TENM4: variants seen among roughly 807,000 people sequenced by gnomAD.
TENM4 encodes teneurin transmembrane protein 4, also known as teneurin-4.
Under a neutral mutation model 243.3 loss-of-function variants are expected in TENM4, and 82 were observed. The ratio of observed to expected loss-of-function variants is 0.34; its 90% confidence interval spans 0.28 to 0.40. The LOEUF is 0.40. Among genes scored for constraint, TENM4 ranks in the 10% least tolerant of loss-of-function variants. TENM4 has a pLI of 1.00. For synonymous variants in TENM4, 1,412 were observed against 1,456.3 expected (o/e 0.97, Z 0.69); for missense variants, 3,138 against 3,673.3 (o/e 0.85, Z 3.77).
Position 79,350,157 on chromosome 11 carries a change from A to G in TENM4, c.-320-52614T>C, listed in dbSNP as rs76858110. On this transcript the variant is annotated intron_variant, in intron 1 of 33. Transcript: ENST00000278550. ...ACTGTGCCTCCTGTTAGAAATCCCA[A>G]GTCTTCAGAATGGGGCTTCAGAACG... 2.8e-4 allele frequency among the ~76,000 whole-genome samples: 43 copies of G among 152,312 alleles called. No individual in the cohort carries two copies. The East Asian group carries it at 7.7e-3, about 27-fold the overall frequency.
intron 3 of TENM4, among the ~76,000 whole-genome samples, chr11:79,182,038 C>G (rs7928705): frequency 2.0e-5 from 3 of 151,544 alleles, no homozygotes; most frequent in African/African-American, 7.3e-5. Flanking sequence ...TCTATAGACT[C>G]AATGCAATCC....
At chr11:78,764,319 T>C (rs1856496055) in intron 18 of TENM4, among the ~76,000 whole-genome samples, 1 of 152,244 alleles carries the variant, frequency 6.6e-6, no homozygotes, top group African/African-American at 2.4e-5. Flanking sequence ...GGGAATTTGG[T>C]CCATTATCTT....
At chr11:78,827,358 G>A (rs1180745899) in intron 12 of TENM4, among the ~76,000 whole-genome samples, 1 of 151,946 alleles carries the variant, frequency 6.6e-6, no homozygotes, top group Non-Finnish European at 1.5e-5. Flanking sequence ...CTCCCCACCT[G>A]AACCCACACT....
chr11:79,398,994 G>A (rs532685274), intron 1 of TENM4, among the ~76,000 whole-genome samples: 79 of 152,160 alleles, frequency 5.2e-4, no homozygotes, highest in Non-Finnish European at 9.4e-4. Flanking sequence ...GCCTGAGCAG[G>A]ATGGTGTGCA....
intron 3 of TENM4, among the ~76,000 whole-genome samples, chr11:79,192,595 C>A (rs571147330): frequency 0.011 from 1,692 of 152,016 alleles, 34 homozygotes; most frequent in African/African-American, 0.038. Flanking sequence ...GTCATCACCA[C>A]TCCCTAATCT....
At chr11:78,899,880 C>T (rs1054312363) in intron 7 of TENM4, among the ~76,000 whole-genome samples, 19 of 152,312 alleles carry the variant, frequency 1.2e-4, no homozygotes, top group African/African-American at 4.6e-4. Flanking sequence ...GTAAAGTCTG[C>T]AGAACTGTAA....
intron 6 of TENM4, among the ~76,000 whole-genome samples, chr11:78,971,743 T>G (rs1272208341): frequency 2.6e-5 from 4 of 152,106 alleles, no homozygotes; most frequent in African/African-American, 9.7e-5. Flanking sequence ...AGATTTACAC[T>G]AAGGATATTT....
intron 2 of TENM4, among the ~76,000 whole-genome samples, chr11:79,283,898 T>C (rs1246436443): frequency 6.6e-6 from 1 of 152,168 alleles, no homozygotes; most frequent in Non-Finnish European, 1.5e-5. Flanking sequence ...GTTGTATTTC[T>C]ATACACTAGC....
chr11:79,036,656 T>C (rs1565176755), intron 6 of TENM4, among the ~76,000 whole-genome samples: 1 of 152,140 alleles, frequency 6.6e-6, no homozygotes, highest in Non-Finnish European at 1.5e-5. Flanking sequence ...CAAGTACTTG[T>C]TGGCAACTGA....
intron 6 of TENM4, among the ~76,000 whole-genome samples, chr11:79,052,821 C>G (rs1011848141): frequency 6.6e-6 from 1 of 152,192 alleles, no homozygotes; most frequent in South Asian, 2.1e-4. Context: ...TTGCCTTCCT[C>G]CCACAGACTA....
chr11:78,688,223 G>A lies in TENM4; in HGVS notation c.5091C>T (p.Tyr1697=), dbSNP rs191934567. The change falls in exon 29 of 34, where the codon TAC becomes TAT. Residue 1697 remains tyrosine, a synonymous_variant. Coordinates refer to ENST00000278550, the MANE Select transcript of TENM4 (RefSeq NM_001098816.3). ...NENGWTTFYE[Y]DSFGRLTNVT... is the part of the protein sequence containing the mutation. ...CATTTGTCAGGCGGCCAAAGCTGTC[G>A]TACCTGGAAACCAAGGGGTGGCACT... 5.7e-5 allele frequency: 92 copies of A among 1,612,806 alleles called. 1 individual carries two copies. Among genetic ancestry groups the A allele is most frequent in the South Asian group, 1.3e-4 (12 of 90,784 alleles).
chr11:79,384,353 G>A (rs2135529920), intron 1 of TENM4, among the ~76,000 whole-genome samples: 1 of 152,316 alleles, frequency 6.6e-6, no homozygotes, highest in Admixed American at 6.5e-5. Flanking sequence ...TCTGCGTCCA[G>A]CCTCGCACTT....
At chr11:78,745,531 C>G (rs1856030436) in intron 19 of TENM4, among the ~76,000 whole-genome samples, 1 of 152,208 alleles carries the variant, frequency 6.6e-6, no homozygotes, top group Non-Finnish European at 1.5e-5. Flanking sequence ...TGCCCGTCCA[C>G]TGTCCCTCTT....
intron 3 of TENM4, among the ~76,000 whole-genome samples, chr11:79,213,998 T>TA (rs1410524003): frequency 4.1e-5 from 5 of 122,154 alleles, no homozygotes; most frequent in Non-Finnish European, 9.0e-5. Flanking sequence ...AAAATAAATT[T>TA]TTTTTTTTTT....
chr11:78,856,199 G>C, intron 10 of TENM4, 21 bp from the exon 11 acceptor site: 1 of 1,547,358 alleles, frequency 6.5e-7, no homozygotes, highest in Non-Finnish European at 8.7e-7. Context: ...AGAGGGAAGG[G>C]AAGACAAAGA....
intron 17 of TENM4, 43 bp downstream of exon 17, chr11:78,778,555 AACAC>A: frequency 6.3e-7 from 1 of 1,587,254 alleles, no homozygotes; most frequent in Non-Finnish European, 8.6e-7. Context: ...CTCATACACA[AACAC>A]ACACACAAAG....
At chr11:79,278,490 G>A (rs556037577) in intron 2 of TENM4, among the ~76,000 whole-genome samples, 17 of 152,282 alleles carry the variant, frequency 1.1e-4, no homozygotes, top group African/African-American at 3.9e-4. Context: ...GCCTGCTTGC[G>A]ATGGGGAAGC....
intron 2 of TENM4, among the ~76,000 whole-genome samples, chr11:79,271,177 A>G (rs909068629): frequency 2.6e-5 from 4 of 151,868 alleles, no homozygotes; most frequent in Non-Finnish European, 5.9e-5. Flanking sequence ...CTCAAGATCT[A>G]GGGTAAAAGC....
intron 6 of TENM4, chr11:79,021,640 G>A (rs957960916): frequency 6.6e-6 from 1 of 152,364 alleles, no homozygotes; most frequent in Admixed American, 6.5e-5. Context: ...AGAGCTTCAG[G>A]AGAAGAAAGT....
Sources: gnomAD v4.1 joint callset for allele counts (sites outside exome capture counted in the v4.1 genomes callset) on GRCh38, gnomAD v4.1.1 for gene constraint, MANE v1.5 for transcripts, NCBI Gene and HGNC (gene_info 2026-07-23, HGNC 2026-07-21) for gene names.